Variants in ABCC9 observed in about 807,000 individuals in gnomAD.
ABCC9 encodes the protein ATP binding cassette subfamily C member 9.
A neutral mutation model predicts 188.3 loss-of-function variants in ABCC9; 95 were observed. That is an observed-to-expected ratio of 0.50 (90% confidence interval 0.43 to 0.60). The LOEUF (loss-of-function observed/expected upper bound fraction) is 0.60. Ranked by LOEUF, ABCC9 falls within the 20% of genes least tolerant of loss-of-function variation. ABCC9 has a pLI of 0.00. For missense variants in ABCC9, 1,102 were observed against 1,876.3 expected (o/e 0.59, Z 7.62); for synonymous variants, 659 against 652.7 (o/e 1.01, Z -0.15).
At chr12:21,900,209 G>T (rs1009688443) in intron 12 of ABCC9, among the ~76,000 whole-genome samples, 1 of 152,150 alleles carries the variant, frequency 6.6e-6, no homozygotes, top group Non-Finnish European at 1.5e-5. Flanking sequence ...GGTCTGGAGT[G>T]GACCTCCATC....
intron 5 of ABCC9, chr12:21,923,613 T>G (rs903451000): frequency 5.6e-6 from 3 of 538,980 alleles, no homozygotes; most frequent in Non-Finnish European, 9.9e-6. Flanking sequence ...ATGACTAAAT[T>G]AGACCAAGAT....
intron 31 of ABCC9, chr12:21,827,098 G>T (rs1943425872): frequency 3.0e-6 from 3 of 984,680 alleles, no homozygotes; most frequent in South Asian, 4.7e-5. Context: ...AGGTTCAACT[G>T]CTTTTTCACG....
At chr12:21,807,939 C>T (rs1038486368) in intron 37 of ABCC9, among the ~76,000 whole-genome samples, 4 of 151,588 alleles carry the variant, frequency 2.6e-5, no homozygotes, top group South Asian at 2.1e-4. Flanking sequence ...GGATAAGGAC[C>T]GGGTTTATTT....
intron 29 of ABCC9, among the ~76,000 whole-genome samples, chr12:21,841,053 CTA>C (rs1197979859): frequency 4.6e-5 from 7 of 152,200 alleles, no homozygotes; most frequent in Non-Finnish European, 7.3e-5. Flanking sequence ...TCCTTAGAGA[CTA>C]TACATTTCTT....
intron 17 of ABCC9, among the ~76,000 whole-genome samples, chr12:21,874,159 G>A (rs1488338946): frequency 1.3e-5 from 2 of 151,680 alleles, no homozygotes; most frequent in Non-Finnish European, 2.9e-5. Context: ...AAACAGAAAT[G>A]AAACAAATAA....
At chr12:21,914,246 T>C (rs1382277052) in intron 7 of ABCC9, among the ~76,000 whole-genome samples, 2 of 152,188 alleles carry the variant, frequency 1.3e-5, no homozygotes, top group African/African-American at 4.8e-5. Context: ...AGAATCCTAA[T>C]ATTTTAAATG....
intron 30 of ABCC9, chr12:21,831,314 T>C (rs927524361): frequency 4.6e-5 from 7 of 152,098 alleles, no homozygotes; most frequent in African/African-American, 1.7e-4. Flanking sequence ...GGCTCATTCT[T>C]TTTTGTACTT....
chr12:21,923,286 A>G (rs539401663), intron 5 of ABCC9: 1 of 151,676 alleles, frequency 6.6e-6, no homozygotes, highest in Admixed American at 6.6e-5. Flanking sequence ...GAAATGATAA[A>G]TTATACTACA....
chr12:21,872,731 C>T lies in ABCC9; in HGVS notation c.2093-1G>A. On this transcript the variant is annotated splice_acceptor_variant, in intron 17 of 39. Transcript: ENST00000261200. LOFTEE classifies it high-confidence loss of function. ...TGGCCCACAATCATGGTTAACTGAC[C>T]TAGGAAAGCAAAACAAAGGATAACT... The T allele has an allele frequency of 6.2e-7, 1 of 1,606,888 alleles. No individual in the cohort carries two copies. Among genetic ancestry groups the T allele is most frequent in the Non-Finnish European group, 8.5e-7 (1 of 1,173,570 alleles).
At chr12:21,829,332 G>T (rs1315212990) in intron 30 of ABCC9, among the ~76,000 whole-genome samples, 3 of 149,528 alleles carry the variant, frequency 2.0e-5, no homozygotes, top group African/African-American at 7.4e-5. Flanking sequence ...CTCCTGAGTA[G>T]CTGGGACTAC....
At chr12:21,822,520 C>T (rs1322318398) in intron 31 of ABCC9, among the ~76,000 whole-genome samples, 1 of 152,022 alleles carries the variant, frequency 6.6e-6, no homozygotes, top group Non-Finnish European at 1.5e-5. Flanking sequence ...GCTTTTGTGG[C>T]CAGGTGCAGT....
intron 5 of ABCC9, chr12:21,923,621 G>T: frequency 1.8e-6 from 1 of 541,500 alleles, no homozygotes; most frequent in Non-Finnish European, 3.3e-6. Flanking sequence ...ATTAGACCAA[G>T]ATCACCAAAT....
At chr12:21,801,625 G>A (rs1173994941) in intron 39 of ABCC9, among the ~76,000 whole-genome samples, 1 of 152,198 alleles carries the variant, frequency 6.6e-6, no homozygotes, top group Non-Finnish European at 1.5e-5. Context: ...GTTCCGGGAT[G>A]ACAATATGGG....
chr12:21,871,775 A>G (rs1492137), intron 18 of ABCC9, among the ~76,000 whole-genome samples: 45,162 of 151,986 alleles, frequency 0.3, 7,662 homozygotes, highest in Middle Eastern at 0.44. Flanking sequence ...TAGCAACCCA[A>G]TGCTTCAGTG....
At position 21,894,061 on chromosome 12, in the gene ABCC9, C is replaced by T. The variant is rs781684241; in HGVS notation, c.1773G>A (p.Val591=). The change falls in exon 14 of 40, where the codon GTG becomes GTA. Residue 591 remains valine, a synonymous_variant. Coordinates refer to ENST00000261200, the MANE Select transcript of ABCC9 (RefSeq NM_020297.4). ...TGATGGCTTTGACTGCAAATCTGAC[C>T]ACCGTGGAGAGCAGGAACAGTGGTG... The part of the protein sequence containing the change: ...LVTPLFLLST[V]VRFAVKAIIS... The T allele has an allele frequency of 6.2e-7, 1 of 1,613,980 alleles. No individual in the cohort carries two copies. Among genetic ancestry groups the T allele is most frequent in the South Asian group, 1.1e-5 (1 of 91,072 alleles).
In ABCC9 at chr12:21,801,089, A is replaced by T. The variant is rs1305459533; in HGVS notation, c.4605T>A (p.Ala1535=). ...AAGAAGCAAATACTCCATTTTCCTG[A>T]GCCAAGAGGCTTTCTGGAGTGTCAT... ...LEYDTPESLL[A]QENGVFASFV... The change falls in exon 40 of 40, where the codon GCT becomes GCA. Residue 1535 remains alanine, a synonymous_variant. Coordinates refer to ENST00000261200, the MANE Select transcript of ABCC9 (RefSeq NM_020297.4). The T allele has an allele frequency of 6.2e-7, 1 of 1,614,010 alleles. No homozygotes were observed. The highest frequency in any genetic ancestry group is 8.5e-7 in the Non-Finnish European group (1 of 1,179,928).
At chr12:21,804,245 G>A (rs1057434398) in intron 39 of ABCC9, among the ~76,000 whole-genome samples, 1 of 152,092 alleles carries the variant, frequency 6.6e-6, no homozygotes, top group African/African-American at 2.4e-5. Context: ...TTAGGTAAGA[G>A]GTAACCTAAT....
At chr12:21,886,542 T>C (rs1435630110) in intron 15 of ABCC9, among the ~76,000 whole-genome samples, 1 of 152,208 alleles carries the variant, frequency 6.6e-6, no homozygotes, top group East Asian at 1.9e-4. Context: ...TTTACTGATC[T>C]ACGTGTTTTA....
intron 6 of ABCC9, among the ~76,000 whole-genome samples, chr12:21,916,704 G>A (rs1395309946): frequency 6.6e-6 from 1 of 152,108 alleles, no homozygotes; most frequent in Non-Finnish European, 1.5e-5. Flanking sequence ...CTGACACATA[G>A]CAAGCATTTG....
Sources: allele counts gnomAD v4.1 joint callset (sites outside exome capture counted in the v4.1 genomes callset), GRCh38; gene constraint gnomAD v4.1.1; transcripts MANE v1.5; gene names NCBI Gene and HGNC (gene_info 2026-07-23, HGNC 2026-07-21).